PHACTR1: variants seen among roughly 807,000 people sequenced by gnomAD.
The protein encoded by PHACTR1 is RPEL repeat containing 1.
In PHACTR1, 16 loss-of-function variants were observed where a neutral mutation model predicts 69.2. The observed-to-expected ratio is 0.23, with a 90% CI of 0.16 to 0.35. The LOEUF (loss-of-function observed/expected upper bound fraction) is 0.35. Ranked by LOEUF, PHACTR1 falls within the 10% of genes least tolerant of loss-of-function variation. The pLI is 1.00. For missense variants in PHACTR1, 510 were observed against 734.7 expected, an observed-to-expected ratio of 0.69 and a Z score of 3.54; for synonymous variants, 312 against 284.5, an observed-to-expected ratio of 1.10 and a Z score of -0.97.
chr6:13,270,535 T>C (rs1273404488), intron 10 of PHACTR1, among the ~76,000 whole-genome samples: 2 of 152,204 alleles, frequency 1.3e-5, no homozygotes, highest in East Asian at 3.8e-4. Flanking sequence ...AATACACTCC[T>C]GACACCCCAG....
chr6:13,114,126 C>T (rs890392951), intron 5 of PHACTR1, among the ~76,000 whole-genome samples: 2 of 152,320 alleles, frequency 1.3e-5, no homozygotes, highest in African/African-American at 4.8e-5. Context: ...CCCCCCATTT[C>T]CCAGCCTCCC....
chr6:12,887,998 A>T (rs972104655), intron 4 of PHACTR1, among the ~76,000 whole-genome samples: 3 of 147,870 alleles, frequency 2.0e-5, no homozygotes, highest in African/African-American at 7.5e-5. Context: ...GCTTGAACCC[A>T]GGAAGCAGAA....
At chr6:13,000,526 C>T (rs546343987) in intron 4 of PHACTR1, among the ~76,000 whole-genome samples, 213 of 149,820 alleles carry the variant, frequency 1.4e-3, no homozygotes, top group Non-Finnish European at 2.8e-3. Context: ...CCAGCCTCAG[C>T]GACAGAGTCT....
chr6:13,183,409 T>C (rs945401334), intron 7 of PHACTR1, among the ~76,000 whole-genome samples: 22 of 146,524 alleles, frequency 1.5e-4, no homozygotes, highest in African/African-American at 5.3e-4. Flanking sequence ...CTCCCCATCA[T>C]GTGCAAAATC....
chr6:12,784,231 C>T (rs952962270), intron 4 of PHACTR1, among the ~76,000 whole-genome samples: 4 of 151,622 alleles, frequency 2.6e-5, no homozygotes, highest in Non-Finnish European at 4.4e-5. Context: ...ATGATATATA[C>T]ATATACTCAT....
rs562485056 is a variant in PHACTR1 at position 13,166,499 on chromosome 6, G to A, written c.496+6215G>A. ...TAGAAAGCAATGAATGCAGGCATGA[G>A]GTAATTTCTGCATGTTCACATGACT... is the stretch of plus-strand genomic sequence containing the variant. On this transcript the variant is annotated intron_variant, in intron 6 of 14. Coordinates refer to ENST00000332995, the MANE Select transcript of PHACTR1 (RefSeq NM_030948.6). Among the ~76,000 whole-genome samples the A allele has an allele frequency of 3.3e-5, 5 of 152,258 alleles. 1 individual carries two copies. In the South Asian group the frequency reaches 1.0e-3, roughly 32 times the overall value.
chr6:12,910,777 G>T (rs892454257), intron 4 of PHACTR1, among the ~76,000 whole-genome samples: 6 of 152,162 alleles, frequency 3.9e-5, no homozygotes, highest in Non-Finnish European at 5.9e-5. Flanking sequence ...GAAAACTAAG[G>T]TGCAAAGACA....
intron 4 of PHACTR1, among the ~76,000 whole-genome samples, chr6:12,750,090 G>A: frequency 6.6e-6 from 1 of 152,106 alleles, no homozygotes; most frequent in Non-Finnish European, 1.5e-5. Context: ...CGGGCCGCGC[G>A]CCCATGCGCA....
chr6:12,889,913 C>G (rs2127467197), intron 4 of PHACTR1, among the ~76,000 whole-genome samples: 1 of 151,570 alleles, frequency 6.6e-6, no homozygotes, highest in African/African-American at 2.4e-5. Flanking sequence ...GGCAGTTTAC[C>G]TTCACTGCTA....
At chr6:13,086,801 G>A (rs893360831) in intron 5 of PHACTR1, among the ~76,000 whole-genome samples, 2 of 152,076 alleles carry the variant, frequency 1.3e-5, no homozygotes, top group Non-Finnish European at 2.9e-5. Flanking sequence ...CTAAGAGTAA[G>A]ATTTCTGGGT....
intron 4 of PHACTR1, among the ~76,000 whole-genome samples, chr6:12,769,801 C>T (rs1039752332): frequency 1.3e-5 from 2 of 152,170 alleles, no homozygotes; most frequent in African/African-American, 4.8e-5. Context: ...GATGTTTTTG[C>T]ATTGCTTCTC....
intron 4 of PHACTR1, among the ~76,000 whole-genome samples, chr6:12,903,009 A>T (rs1410905488): frequency 6.6e-6 from 1 of 152,098 alleles, no homozygotes; most frequent in Non-Finnish European, 1.5e-5. Context: ...TTTTCAACTT[A>T]CGAATTTGAG....
Position 13,053,443 on chromosome 6 carries a change from G to A in PHACTR1, c.329G>A (p.Arg110Lys). 1 of 1,613,920 alleles carries A rather than the reference G, an allele frequency of 6.2e-7. No homozygotes were observed. The highest frequency in any genetic ancestry group is 8.5e-7 in the Non-Finnish European group (1 of 1,179,858). Reference protein sequence around the residue: ...PGTHTPPIRRRSKFANLGRIF... With the variant: ...PGTHTPPIRRKSKFANLGRIF... ...ACCCACACCCCACCCATCCGCAGGA[G>A]AAGTAAGTTTGCCAACCTGGGAAGG... The change falls in exon 5 of 15, where the codon AGA becomes AAA. Residue 110 changes from arginine (R) to lysine (K), a missense_variant. Arg to Lys is a conservative substitution (Grantham distance 26). Transcript: ENST00000332995.
intron 4 of PHACTR1, among the ~76,000 whole-genome samples, chr6:13,019,076 T>TC (rs1561698395): frequency 6.8e-6 from 1 of 147,230 alleles, no homozygotes; most frequent in African/African-American, 2.5e-5. Flanking sequence ...ATATATATAT[T>TC]TTTTCTTTTT....
At chr6:13,264,625 A>G (rs1332926633) in intron 10 of PHACTR1, among the ~76,000 whole-genome samples, 2 of 152,128 alleles carry the variant, frequency 1.3e-5, no homozygotes, top group East Asian at 3.9e-4. Flanking sequence ...AGGCTGAGGC[A>G]GGAGAATCAC....
intron 7 of PHACTR1, among the ~76,000 whole-genome samples, chr6:13,197,281 A>G (rs1166375200): frequency 6.6e-6 from 1 of 152,198 alleles, no homozygotes; most frequent in Non-Finnish European, 1.5e-5. Context: ...CCTGTAGAGG[A>G]TGCCCCTTCC....
Position 12,746,003 on chromosome 6 carries a change from C to CA in PHACTR1, c.104-3640dup, listed in dbSNP as rs574556722. On this transcript the variant is annotated intron_variant, in intron 3 of 14. Coordinates refer to ENST00000332995, the MANE Select transcript of PHACTR1 (RefSeq NM_030948.6). ...GAGGTCATGAATATGAAAGGAGTCC[C>CA]AGAGACTAAAGAATGTGGAAATATT... Among the ~76,000 whole-genome samples, 317 of 152,190 alleles carry CA rather than the reference C, an allele frequency of 2.1e-3. 1 individual carries two copies. The highest frequency in any genetic ancestry group is 7.1e-3 in the African/African-American group (296 of 41,498).
chr6:12,988,541 C>A (rs962303707), intron 4 of PHACTR1, among the ~76,000 whole-genome samples: 1 of 152,310 alleles, frequency 6.6e-6, no homozygotes, highest in East Asian at 1.9e-4. Context: ...GGAAAACCAC[C>A]AAGATGCAAA....
At chr6:12,753,628 C>A (rs560337162) in intron 4 of PHACTR1, among the ~76,000 whole-genome samples, 1 of 152,200 alleles carries the variant, frequency 6.6e-6, no homozygotes, top group Admixed American at 6.5e-5. Context: ...ATGGTCAACA[C>A]CAGCATAATT....
Sources: allele counts gnomAD v4.1 joint callset (sites outside exome capture counted in the v4.1 genomes callset), GRCh38; gene constraint gnomAD v4.1.1; transcripts MANE v1.5; gene names NCBI Gene and HGNC (gene_info 2026-07-23, HGNC 2026-07-21).